The following CERT1 variants were observed in gnomAD, a reference collection of about 807,000 sequenced individuals.
The protein encoded by CERT1 is ceramide transporter 1.
In CERT1, 31 loss-of-function variants were observed where a neutral mutation model predicts 87.9. The observed-to-expected ratio is 0.35, with a 90% CI of 0.27 to 0.48. CERT1 has a LOEUF of 0.48. CERT1 is among the 20% of genes least tolerant of loss of function. CERT1 has a pLI of 0.99. For synonymous variants in CERT1, 289 were observed against 250.9 expected, an observed-to-expected ratio of 1.15 and a Z score of -1.44; for missense variants, 487 against 758.0, an observed-to-expected ratio of 0.64 and a Z score of 4.20.
chr5:75,509,845 G>A (rs756024997), intron 1 of CERT1, among the ~76,000 whole-genome samples: 11 of 152,176 alleles, frequency 7.2e-5, no homozygotes, highest in Non-Finnish European at 1.6e-4. Flanking sequence ...TAAATTACAG[G>A]ATACATTTAA....
At chr5:75,491,014 T>C (rs1580847390) in intron 2 of CERT1, among the ~76,000 whole-genome samples, 1 of 152,136 alleles carries the variant, frequency 6.6e-6, no homozygotes, top group Non-Finnish European at 1.5e-5. Flanking sequence ...CTATTTGGAG[T>C]GTATACTAAT....
chr5:75,401,189 GAC>G (rs1415777968), intron 9 of CERT1: 1 of 152,184 alleles, frequency 6.6e-6, no homozygotes, highest in African/African-American at 2.4e-5. Context: ...TCTGTTCAAT[GAC>G]TATTTTGCAG....
chr5:75,491,081 A>G (rs1015297445), intron 2 of CERT1, among the ~76,000 whole-genome samples: 4 of 151,916 alleles, frequency 2.6e-5, no homozygotes, highest in African/African-American at 9.7e-5. Context: ...TCCTTAGTTG[A>G]TTTGTATGAA....
At chr5:75,445,843 G>C (rs776542147) in intron 3 of CERT1, among the ~76,000 whole-genome samples, 13 of 152,132 alleles carry the variant, frequency 8.5e-5, no homozygotes, top group Non-Finnish European at 1.9e-4. Flanking sequence ...TTAGCACTTT[G>C]AATACATTGG....
intron 16 of CERT1, 99 bp from the exon 17 acceptor site, chr5:75,379,572 T>C (rs548702207): frequency 2.6e-5 from 28 of 1,088,606 alleles, no homozygotes; most frequent in African/African-American, 1.8e-4. Flanking sequence ...ATTCCTCACA[T>C]TGGACCAATT....
At chr5:75,430,616 CTTT>C (rs995035857) in intron 3 of CERT1, among the ~76,000 whole-genome samples, 7 of 151,726 alleles carry the variant, frequency 4.6e-5, no homozygotes, top group African/African-American at 1.7e-4. Flanking sequence ...AAAATGGGTA[CTTT>C]TTAAGAATGT....
intron 1 of CERT1, among the ~76,000 whole-genome samples, chr5:75,509,095 T>C (rs1767792948): frequency 6.6e-6 from 1 of 152,170 alleles, no homozygotes; most frequent in South Asian, 2.1e-4. Flanking sequence ...GATTACCATA[T>C]GGAAAATACC....
In CERT1 at chr5:75,402,670, C is replaced by T. The variant is rs141171951; in HGVS notation, c.1017+302G>A. Reference sequence around the variant, plus strand: ...AAAAATTTAGTCAGGCACGGTGGCGCGCACCTGTAGTCCCAGCTACTCGGG... The same window carrying T: ...AAAAATTTAGTCAGGCACGGTGGCGTGCACCTGTAGTCCCAGCTACTCGGG... On this transcript the variant is annotated intron_variant, in intron 9 of 16. Transcript: ENST00000643780. The T allele has an allele frequency of 2.0e-3, 370 of 186,256 alleles. 1 individual carries two copies. The East Asian group carries it at 0.025, about 13-fold the overall frequency. 11.5% of individuals were successfully genotyped at this position (186,256 alleles called of 1,614,324 possible). A position where few individuals can be genotyped will look rare whatever the true frequency, so the allele number is the denominator to read the frequency against.
At chr5:75,379,672 G>A (rs761125346) in intron 16 of CERT1, among the ~76,000 whole-genome samples, 199 bp from the exon 17 acceptor site, 2 of 151,898 alleles carry the variant, frequency 1.3e-5, no homozygotes. Flanking sequence ...TGCAACTTCC[G>A]CCTCCGGGGT....
At chr5:75,473,373 A>G (rs989171946) in intron 2 of CERT1, among the ~76,000 whole-genome samples, 8 of 152,234 alleles carry the variant, frequency 5.3e-5, no homozygotes, top group African/African-American at 1.9e-4. Context: ...GGCATGAGCC[A>G]CCAAATCTGA....
At position 75,462,223 on chromosome 5, in the gene CERT1, A is replaced by T. The variant is rs1447863939; in HGVS notation, c.232-3042T>A. ...AGATGGAAAACATTGAGAGGTGATA[A>T]ATATAAGATATGATCTAAGGCAGCA... On this transcript the variant is annotated intron_variant, in intron 2 of 16. Transcript: ENST00000643780. Among the ~76,000 whole-genome samples, 5 of 152,338 alleles carry T rather than the reference A, an allele frequency of 3.3e-5. No homozygotes were observed. The East Asian group carries it at 9.6e-4, about 29-fold the overall frequency.
At chr5:75,495,951 A>AT (rs1394076184) in intron 2 of CERT1, among the ~76,000 whole-genome samples, 1 of 152,076 alleles carries the variant, frequency 6.6e-6, no homozygotes, top group East Asian at 1.9e-4. Flanking sequence ...AAATAAATAA[A>AT]TAAAAAAAAG....
chr5:75,448,135 T>C (rs1330812400), intron 3 of CERT1, among the ~76,000 whole-genome samples: 2 of 152,190 alleles, frequency 1.3e-5, no homozygotes, highest in African/African-American at 4.8e-5. Flanking sequence ...ATAATCAATA[T>C]TCTCATAATC....
chr5:75,418,664 C>A (rs1763243857), intron 6 of CERT1, among the ~76,000 whole-genome samples: 1 of 152,084 alleles, frequency 6.6e-6, no homozygotes, highest in African/African-American at 2.4e-5. Context: ...ATGAGAAGAA[C>A]TGAACTACTG....
Position 75,382,075 on chromosome 5 carries a change from C to T in CERT1, c.1491G>A (p.Arg497=), listed in dbSNP as rs768323906. The T allele has an allele frequency of 5.6e-6, 9 of 1,612,342 alleles. No homozygotes were observed. The highest frequency in any genetic ancestry group is 6.8e-6 in the Non-Finnish European group (8 of 1,179,362). ...CGTCTCGCTGAGAAGCAGGCCACACCCTCTGTGGAGAAGTAAAAATCTTTT... is the reference window on the plus strand; with the variant it reads ...CGTCTCGCTGAGAAGCAGGCCACACTCTCTGTGGAGAAGTAAAAATCTTTT... ...NAIIIYQTHK[R]VWPASQRDVL... The change falls in exon 15 of 17, where the codon AGG becomes AGA. Residue 497 remains arginine, a splice_region_variant and synonymous_variant. Coordinates refer to ENST00000643780, the MANE Select transcript of CERT1 (RefSeq NM_001379029.1).
At chr5:75,443,968 T>C (rs1764426787) in intron 3 of CERT1, among the ~76,000 whole-genome samples, 1 of 152,360 alleles carries the variant, frequency 6.6e-6, no homozygotes, top group East Asian at 1.9e-4. Flanking sequence ...CCCTGCTCTC[T>C]TTTGGTTGCT....
chr5:75,475,146 C>T (rs1049145619), intron 2 of CERT1, among the ~76,000 whole-genome samples: 9 of 152,102 alleles, frequency 5.9e-5, no homozygotes, highest in African/African-American at 2.2e-4. Flanking sequence ...GTCTAACCTA[C>T]GATGCTTCTA....
chr5:75,438,313 A>G (rs1375252477), intron 3 of CERT1, among the ~76,000 whole-genome samples: 1 of 152,188 alleles, frequency 6.6e-6, no homozygotes, highest in Non-Finnish European at 1.5e-5. Flanking sequence ...TTGTTAACAC[A>G]TCTCTTTGGC....
chr5:75,403,177 T>A, intron 8 of CERT1, 119 bp from the exon 9 acceptor site: 1 of 687,632 alleles, frequency 1.5e-6, no homozygotes, highest in Non-Finnish European at 2.6e-6. Context: ...GAACACATAT[T>A]TACAAAGCAG....
Sources: allele counts gnomAD v4.1 joint callset (sites outside exome capture counted in the v4.1 genomes callset), GRCh38; gene constraint gnomAD v4.1.1; transcripts MANE v1.5; gene names NCBI Gene and HGNC (gene_info 2026-07-23, HGNC 2026-07-21).